The following UGT8 variants were observed in gnomAD, a reference collection of about 807,000 sequenced individuals.
The protein encoded by UGT8 is UDP glycosyltransferase 8.
Under a neutral mutation model 40.5 loss-of-function variants are expected in UGT8, and 12 were observed. The observed-to-expected ratio is 0.30, with a 90% CI of 0.19 to 0.48. The LOEUF is 0.48. Among genes scored for constraint, UGT8 ranks in the 20% least tolerant of loss-of-function variants. The probability of loss-of-function intolerance (pLI) is 0.99; values close to 1 mark genes in which losing one functional copy is unlikely to be tolerated. For missense variants in UGT8, 513 were observed against 648.7 expected (o/e 0.79, Z 2.27); for synonymous variants, 224 against 240.4 (o/e 0.93, Z 0.63).
chr4:114,618,007 C>A (rs749509158), intron 1 of UGT8, among the ~76,000 whole-genome samples: 7 of 152,064 alleles, frequency 4.6e-5, no homozygotes, highest in Non-Finnish European at 1.0e-4. Context: ...TTATCAGTTT[C>A]ATCTTTACTT....
chr4:114,644,724 A>G (rs955517633), intron 2 of UGT8, among the ~76,000 whole-genome samples: 1 of 152,140 alleles, frequency 6.6e-6, no homozygotes, highest in African/African-American at 2.4e-5. Flanking sequence ...CTTTATGCCT[A>G]TTAAAATCAC....
intron 5 of UGT8, among the ~76,000 whole-genome samples, chr4:114,670,346 G>A (rs2126137322): frequency 6.7e-6 from 1 of 148,446 alleles, no homozygotes; most frequent in East Asian, 2.0e-4. Context: ...CAGGAGAATG[G>A]CGTGAACCTG....
At chr4:114,659,114 A>G (rs1389278872) in intron 2 of UGT8, among the ~76,000 whole-genome samples, 3 of 152,216 alleles carry the variant, frequency 2.0e-5, no homozygotes, top group East Asian at 1.9e-4. Context: ...TGGCAATACT[A>G]GAAACAAATC....
rs1286501982 is a variant in UGT8, at chr4:114,677,073, C to T, written c.*785C>T. 1 of 151,932 alleles carries T rather than the reference C, an allele frequency of 6.6e-6. No individual in the cohort carries two copies. The highest frequency in any genetic ancestry group is 2.4e-5 in the African/African-American group (1 of 41,398). The allele number at this position is 151,932 out of a possible 1,614,324, so 9.4% of individuals were successfully genotyped here. On this transcript the variant is annotated 3_prime_UTR_variant, in exon 6 of 6. Coordinates refer to ENST00000310836, the MANE Select transcript of UGT8 (RefSeq NM_001128174.3). Reference sequence around the variant, plus strand: ...CTCTGGAAGAATTTTATAGTTTTTTCTATTTCATTTTAATGAGTAACAATA... The same window carrying T: ...CTCTGGAAGAATTTTATAGTTTTTTTTATTTCATTTTAATGAGTAACAATA...
chr4:114,601,604 A>G (rs927960089), intron 1 of UGT8, among the ~76,000 whole-genome samples: 9 of 152,110 alleles, frequency 5.9e-5, no homozygotes, highest in African/African-American at 2.2e-4. Context: ...AAAAAGAGCC[A>G]TTATAACCCA....
At chr4:114,624,922 C>T (rs1214373758) in intron 2 of UGT8, among the ~76,000 whole-genome samples, 4 of 152,126 alleles carry the variant, frequency 2.6e-5, no homozygotes, top group Non-Finnish European at 5.9e-5. Flanking sequence ...TTAATCTCAG[C>T]TTATCTTAGC....
chr4:114,601,511 C>T (rs530820032), intron 1 of UGT8, among the ~76,000 whole-genome samples: 1 of 151,784 alleles, frequency 6.6e-6, no homozygotes, highest in South Asian at 2.1e-4. Flanking sequence ...ATTTATTTGA[C>T]CTCATCTGCA....
intron 1 of UGT8, among the ~76,000 whole-genome samples, chr4:114,604,767 A>G (rs1427980333): frequency 6.6e-6 from 1 of 152,174 alleles, no homozygotes; most frequent in African/African-American, 2.4e-5. Context: ...TTTGTTGAAT[A>G]AAACAAAATT....
At chr4:114,631,343 G>A (rs900828373) in intron 2 of UGT8, among the ~76,000 whole-genome samples, 1 of 152,010 alleles carries the variant, frequency 6.6e-6, no homozygotes, top group Admixed American at 6.6e-5. Context: ...AATTAGCAGG[G>A]CGTTGTTGTG....
chr4:114,669,066 G>T (rs1735071280), intron 5 of UGT8, among the ~76,000 whole-genome samples: 1 of 152,092 alleles, frequency 6.6e-6, no homozygotes, highest in African/African-American at 2.4e-5. Flanking sequence ...AGGGGATATG[G>T]CTTAACACTG....
intron 5 of UGT8, among the ~76,000 whole-genome samples, chr4:114,675,527 T>G (rs1225308472): frequency 6.6e-6 from 1 of 151,406 alleles, no homozygotes; most frequent in Admixed American, 6.6e-5. Flanking sequence ...GATCACGAGG[T>G]CAGGAGATTG....
chr4:114,675,405 T>C (rs1485356317), intron 5 of UGT8, among the ~76,000 whole-genome samples: 1 of 152,142 alleles, frequency 6.6e-6, no homozygotes, highest in Non-Finnish European at 1.5e-5. Flanking sequence ...GATTTTCATT[T>C]TTCTCACCAA....
intron 2 of UGT8, among the ~76,000 whole-genome samples, chr4:114,645,724 G>T (rs1733528901): frequency 6.6e-6 from 1 of 152,140 alleles, no homozygotes; most frequent in Non-Finnish European, 1.5e-5. Flanking sequence ...CATGTCATCT[G>T]GGAAAAGACA....
chr4:114,666,367 C>A (rs1176634263), intron 4 of UGT8, among the ~76,000 whole-genome samples: 1 of 151,980 alleles, frequency 6.6e-6, no homozygotes, highest in Non-Finnish European at 1.5e-5. Context: ...ATATGCGTAT[C>A]TTTTAAGTGT....
At chr4:114,621,935 T>C (rs1479686410) in intron 1 of UGT8, among the ~76,000 whole-genome samples, 1 of 152,000 alleles carries the variant, frequency 6.6e-6, no homozygotes, top group Admixed American at 6.6e-5. Context: ...TGTTAGTGTA[T>C]AATACTATAG....
intron 5 of UGT8, among the ~76,000 whole-genome samples, chr4:114,673,714 G>T (rs976669930): frequency 3.3e-5 from 5 of 152,098 alleles, no homozygotes; most frequent in Non-Finnish European, 7.4e-5. Flanking sequence ...TAAAATAAAA[G>T]ATTGGATTTT....
chr4:114,622,864 T>C lies in UGT8; in HGVS notation c.-2-15T>C, dbSNP rs1210295083. On this transcript the variant is annotated splice_polypyrimidine_tract_variant and intron_variant, in intron 1 of 5. Coordinates refer to ENST00000310836, the MANE Select transcript of UGT8 (RefSeq NM_001128174.3). ...TTGTATTTTGTTTTAAGTTGTTTTC[T>C]GGTTGTTATTACAGCTATGAAGTCT... 6.3e-7 allele frequency: 1 copy of C among 1,583,072 alleles called. No individual in the cohort carries two copies. The highest frequency in any genetic ancestry group is 1.7e-4 in the Middle Eastern group (1 of 5,806).
At chr4:114,671,715 T>TA (rs199790678) in intron 5 of UGT8, among the ~76,000 whole-genome samples, 3,233 of 152,220 alleles carry the variant, frequency 0.021, 57 homozygotes, top group Non-Finnish European at 0.032. Context: ...CTCCAAACCA[T>TA]AAAAACCCTA....
intron 2 of UGT8, among the ~76,000 whole-genome samples, chr4:114,631,786 C>CT (rs1415735101): frequency 6.6e-6 from 1 of 152,138 alleles, no homozygotes; most frequent in Admixed American, 6.5e-5. Context: ...GTATGAGAAT[C>CT]TTTTTTCTGG....
Sources: allele counts gnomAD v4.1 joint callset (sites outside exome capture counted in the v4.1 genomes callset), GRCh38; gene constraint gnomAD v4.1.1; transcripts MANE v1.5; gene names NCBI Gene and HGNC (gene_info 2026-07-23, HGNC 2026-07-21).